Variants in CACNA1A observed in about 807,000 individuals in gnomAD.
CACNA1A encodes the protein voltage-dependent P/Q-type calcium channel subunit alpha-1A.
In CACNA1A, 57 loss-of-function variants were observed where a neutral mutation model predicts 262.4. The ratio of observed to expected loss-of-function variants is 0.22; its 90% CI spans 0.18 to 0.27. The LOEUF is 0.27. Among genes scored for constraint, CACNA1A ranks in the 10% least tolerant of loss-of-function variants. The pLI is 1.00. For missense variants in CACNA1A, 2,526 were observed against 3,562.8 expected, an observed-to-expected ratio of 0.71 and a Z score of 7.41; for synonymous variants, 1,431 against 1,419.3, an observed-to-expected ratio of 1.01 and a Z score of -0.18.
chr19:13,330,683 T>A (rs1025180615), intron 9 of CACNA1A, among the ~76,000 whole-genome samples: 2 of 152,160 alleles, frequency 1.3e-5, no homozygotes, highest in Non-Finnish European at 2.9e-5. Flanking sequence ...CTCTGCCTCC[T>A]GAGTTCAAGC....
In CACNA1A at chr19:13,310,509, T is replaced by TATATATATAC. The variant is rs2058009407; in HGVS notation, c.1669-1982_1669-1981insGTATATATAT. Among the ~76,000 whole-genome samples the TATATATATAC allele has an allele frequency of 5.6e-5, 2 of 35,812 alleles. 1 individual carries two copies. Among genetic ancestry groups the TATATATATAC allele is most frequent in the Non-Finnish European group, 8.5e-5 (2 of 23,594 alleles). The allele number at this position is 35,812 out of a possible 152,430, so 23.5% of individuals were successfully genotyped here. A position where few individuals can be genotyped will look rare whatever the true frequency, so the allele number is the denominator to read the frequency against. On this transcript the variant is annotated intron_variant, in intron 12 of 46. Transcript: ENST00000360228. ...AAAAAAATATATATATATATATATA[T>TATATATATAC]ATATGTAGAGAGAGAGAGAGAGTTT... is the stretch of plus-strand genomic sequence containing the variant.
chr19:13,503,268 C>T (rs893628063), intron 1 of CACNA1A, among the ~76,000 whole-genome samples: 1 of 152,082 alleles, frequency 6.6e-6, no homozygotes, highest in African/African-American at 2.4e-5. Context: ...GTGAGCGGTA[C>T]CCTTGTTGGG....
chr19:13,220,122 G>A (rs544017289), intron 38 of CACNA1A, among the ~76,000 whole-genome samples: 31 of 152,062 alleles, frequency 2.0e-4, no homozygotes, highest in South Asian at 1.0e-3. Context: ...TTAGCTGGGC[G>A]TGGTGGTGGG....
intron 3 of CACNA1A, among the ~76,000 whole-genome samples, chr19:13,377,340 G>T (rs2059437404): frequency 6.6e-6 from 1 of 151,758 alleles, no homozygotes; most frequent in African/African-American, 2.4e-5. Context: ...TGTACAAGAA[G>T]ATGAATGTTG....
In CACNA1A at chr19:13,290,533, C is replaced by T. The variant is rs118060698; in HGVS notation, c.3090-3567G>A. ...CTCCTGGGCTCAAGCGATCTTCCCA[C>T]CCTGGGTAGCTGGGATTGCAGGCAC... On this transcript the variant is annotated intron_variant, in intron 19 of 46. Coordinates refer to ENST00000360228, the MANE Select transcript of CACNA1A (RefSeq NM_001127222.2). Among the ~76,000 whole-genome samples, 1,220 of 152,092 alleles carry T rather than the reference C, an allele frequency of 8.0e-3. 8 individuals are homozygous for T. Among genetic ancestry groups the T allele is most frequent in the Middle Eastern group, 0.041 (12 of 294 alleles).
intron 3 of CACNA1A, among the ~76,000 whole-genome samples, chr19:13,407,941 T>G (rs1323172885): frequency 6.6e-6 from 1 of 151,404 alleles, no homozygotes; most frequent in Non-Finnish European, 1.5e-5. Context: ...AGTGAGTGAG[T>G]TCTCGTGAGA....
intron 6 of CACNA1A, among the ~76,000 whole-genome samples, chr19:13,336,562 G>A (rs1367264381): frequency 2.7e-5 from 3 of 110,462 alleles, no homozygotes; most frequent in Non-Finnish European, 5.7e-5. Context: ...AGGTTGGGGG[G>A]TGGAGAGAGA....
intron 5 of CACNA1A, 40 bp from the exon 6 acceptor site, chr19:13,359,839 G>A: frequency 7.1e-7 from 1 of 1,400,252 alleles, no homozygotes; most frequent in South Asian, 1.5e-5. Flanking sequence ...GGAAGGAGCA[G>A]GGAAAACCAG....
intron 30 of CACNA1A, among the ~76,000 whole-genome samples, chr19:13,251,413 G>A (rs953605505): frequency 1.3e-5 from 2 of 152,088 alleles, no homozygotes. Flanking sequence ...AACCCAGGGG[G>A]TGGAGCTTTC....
At chr19:13,486,846 CTT>C (rs1022091237) in intron 1 of CACNA1A, among the ~76,000 whole-genome samples, 7 of 151,676 alleles carry the variant, frequency 4.6e-5, no homozygotes, top group African/African-American at 1.2e-4. Context: ...TTCCACTTTT[CTT>C]TCTCTCTCAT....
At chr19:13,336,595 GA>G (rs1224481949) in intron 6 of CACNA1A, among the ~76,000 whole-genome samples, 51 of 34,852 alleles carry the variant, frequency 1.5e-3, no homozygotes, top group African/African-American at 5.5e-3. Flanking sequence ...GAGAGAGAGG[GA>G]GAGAGAGAGA....
chr19:13,376,575 A>T (rs1424105579), intron 3 of CACNA1A, among the ~76,000 whole-genome samples: 2 of 148,880 alleles, frequency 1.3e-5, no homozygotes, highest in Non-Finnish European at 3.0e-5. Flanking sequence ...AATATATGTT[A>T]TATATAACAT....
Position 13,275,950 on chromosome 19 carries a change from C to G in CACNA1A, c.3889G>C (p.Asp1297His). ...CCCTGATGCAGGACGAGCCCCAGGT[C>G]AATCATCTGTGGGGGAGAAGAGAGG... ...FTFEMVIKMI[D>H]LGLVLHQGAY... Residue 1297 changes from aspartate (D) to histidine (H), a missense_variant, in exon 24 of 47, where the codon GAC becomes CAC. By Grantham distance (81) the Asp-to-His change is moderately conservative (BLOSUM62 -1). Around this residue, in one of 17 missense-constraint regions of CACNA1A, gnomAD observed 137 missense variants for 377.7 expected, o/e 0.36. Transcript: ENST00000360228. The G allele has an allele frequency of 6.2e-7, 1 of 1,610,618 alleles. No homozygotes were observed. The highest frequency in any genetic ancestry group is 8.5e-7 in the Non-Finnish European group (1 of 1,176,906).
At chr19:13,287,974 C>A (rs75420496) in intron 19 of CACNA1A, among the ~76,000 whole-genome samples, 12,716 of 151,994 alleles carry the variant, frequency 0.084, 1,003 homozygotes, top group African/African-American at 0.2. Context: ...GCTAATTTTA[C>A]AATTTTTTGT....
rs569020124 is a variant in CACNA1A, at chr19:13,212,004, C to A, written c.6303+99G>T. ...AGGAGTCCCTACCCAGGCCTGAGTC[C>A]GGCAGGGAGGGGATGCACTGGGCTG... On this transcript the variant is annotated intron_variant, in intron 43 of 46. Transcript: ENST00000360228. This position sits in a 1 kb window ranked among gnomAD's most constrained non-coding sequence, Gnocchi z 5.6. The A allele has an allele frequency of 3.8e-5, 28 of 742,558 alleles. 1 individual carries two copies. The South Asian group carries it at 4.6e-4, about 12-fold the overall frequency. The allele number at this position is 742,558 out of a possible 1,614,324, so 46.0% of individuals were successfully genotyped here.
chr19:13,396,246 A>C (rs565739007), intron 3 of CACNA1A, among the ~76,000 whole-genome samples: 1 of 152,226 alleles, frequency 6.6e-6, no homozygotes, highest in Non-Finnish European at 1.5e-5. Flanking sequence ...CTTGAACTAA[A>C]GCTTTCTGAC....
chr19:13,208,687 G>C, intron 46 of CACNA1A, 69 bp downstream of exon 46: 2 of 1,483,054 alleles, frequency 1.3e-6, no homozygotes, highest in Non-Finnish European at 1.8e-6. Flanking sequence ...CTGTTGGATG[G>C]GGTATCCCCT....
chr19:13,228,605 G>T lies in CACNA1A; in HGVS notation c.5529-1078C>A, dbSNP rs73922370. On this transcript the variant is annotated intron_variant, in intron 36 of 46. Coordinates refer to ENST00000360228, the MANE Select transcript of CACNA1A (RefSeq NM_001127222.2). ...CTCTGTTTTTTTAGAGAGAGAGAGAGATATATATATATATATATATGAAAT... is the reference window on the plus strand; with the variant it reads ...CTCTGTTTTTTTAGAGAGAGAGAGATATATATATATATATATATATGAAAT... The T allele has an allele frequency of 0.21, 18,733 of 89,090 alleles. 1,454 individuals carry two copies. The highest frequency in any genetic ancestry group is 0.44 in the African/African-American group (9,610 of 21,852). 5.5% of individuals were successfully genotyped at this position (89,090 alleles called of 1,614,324 possible). A position where few individuals can be genotyped will look rare whatever the true frequency, so the allele number is the denominator to read the frequency against.
At chr19:13,311,697 T>TAC (rs2058038126) in intron 12 of CACNA1A, among the ~76,000 whole-genome samples, 1 of 151,874 alleles carries the variant, frequency 6.6e-6, no homozygotes, top group African/African-American at 2.4e-5. Flanking sequence ...ATTAGCCAGG[T>TAC]ATGATGGCGG....
Sources: gnomAD v4.1 joint callset for allele counts (sites outside exome capture counted in the v4.1 genomes callset) on GRCh38, gnomAD v4.1.1 for gene constraint, gnomAD v4.1.1 regional missense constraint, Gnocchi (gnomAD v3.1) non-coding constraint, MANE v1.5 for transcripts, NCBI Gene and HGNC (gene_info 2026-07-23, HGNC 2026-07-21) for gene names.